Variants in TET2 observed in about 807,000 individuals in gnomAD.
TET2 encodes the protein tet methylcytosine dioxygenase 2, also known as methylcytosine dioxygenase TET2.
A neutral mutation model predicts 142.9 loss-of-function variants in TET2; 299 were observed. That is an observed-to-expected ratio of 2.09 (90% CI 1.90 to 2.30). The LOEUF is 2.30. Among genes scored for constraint, TET2 ranks in the 30% most tolerant of loss-of-function variants. The pLI is 0.00. For missense variants in TET2, 2,418 were observed against 2,378.0 expected (o/e 1.02, Z -0.35); for synonymous variants, 819 against 849.0 (o/e 0.96, Z 0.61).
At chr4:105,268,467 A>G (rs1374667865) in intron 8 of TET2, among the ~76,000 whole-genome samples, 2 of 152,190 alleles carry the variant, frequency 1.3e-5, no homozygotes, top group African/African-American at 4.8e-5. Flanking sequence ...GTTCTCCCCA[A>G]ACTAATCAAT....
At chr4:105,250,380 A>ATTTT (rs59695275) in intron 6 of TET2, among the ~76,000 whole-genome samples, 1,282 of 60,276 alleles carry the variant, frequency 0.021, 156 homozygotes, top group Non-Finnish European at 0.028. Flanking sequence ...TCCTTTCTGG[A>ATTTT]TTTTTTTTTT....
Position 105,243,728 on chromosome 4 carries a change from G to A in TET2, c.3753G>A (p.Thr1251=), listed in dbSNP as rs568289483. ...AACTCTACTCGGAGCTTACCGAGAC[G>A]CTGAGGAAATACGGCACGCTCACCA... is the stretch of plus-strand genomic sequence containing the variant. ...ADKLYSELTE[T]LRKYGTLTNR... Residue 1251 remains threonine, a synonymous_variant, in exon 6 of 11, where the codon ACG becomes ACA. Coordinates refer to ENST00000380013, the MANE Select transcript of TET2 (RefSeq NM_001127208.3). 6.4e-6 allele frequency: 10 copies of A among 1,551,570 alleles called. No individual in the cohort carries two copies. Among genetic ancestry groups the A allele is most frequent in the South Asian group, 5.9e-5 (5 of 84,040 alleles).
At chr4:105,209,049 GTATATATATATATATATATA>G (rs36045001) in intron 2 of TET2, among the ~76,000 whole-genome samples, 3,637 of 44,342 alleles carry the variant, frequency 0.082, 288 homozygotes, top group African/African-American at 0.13. Flanking sequence ...TCAAGGCATG[GTATATATATATATATATATA>G]TATATATATA....
At chr4:105,263,509 A>G (rs755177674) in intron 8 of TET2, among the ~76,000 whole-genome samples, 2 of 152,220 alleles carry the variant, frequency 1.3e-5, no homozygotes, top group Non-Finnish European at 2.9e-5. Context: ...AGATACAACA[A>G]ATTTCCAGTT....
chr4:105,192,310 T>A (rs1297379075), intron 2 of TET2, among the ~76,000 whole-genome samples: 1 of 152,170 alleles, frequency 6.6e-6, no homozygotes, highest in African/African-American at 2.4e-5. Flanking sequence ...AAAATCTTGT[T>A]TTGCATTTAA....
At chr4:105,227,341 T>A (rs1728249307) in intron 2 of TET2, among the ~76,000 whole-genome samples, 1 of 152,194 alleles carries the variant, frequency 6.6e-6, no homozygotes, top group Non-Finnish European at 1.5e-5. Flanking sequence ...TTAATTTTGA[T>A]TGGCCAGCAT....
At chr4:105,197,060 A>T (rs768897052) in intron 2 of TET2, among the ~76,000 whole-genome samples, 4 of 152,226 alleles carry the variant, frequency 2.6e-5, no homozygotes, top group African/African-American at 9.6e-5. Context: ...GTTACATTAT[A>T]TCGGAGCTTG....
At position 105,222,630 on chromosome 4, in the gene TET2, A is replaced by AGT. The variant is rs576200635; in HGVS notation, c.-46-11266_-46-11265dup. Reference sequence around the variant, plus strand: ...CTGGATATTAGCCCTTTGTCAGATGAGTAGGTTGCGAAAATTTTCTGCCAT... The same window carrying AGT: ...CTGGATATTAGCCCTTTGTCAGATGAGTGTAGGTTGCGAAAATTTTCTGCCAT... On this transcript the variant is annotated intron_variant, in intron 2 of 10. Transcript: ENST00000380013. Among the ~76,000 whole-genome samples the AGT allele has an allele frequency of 3.2e-4, 48 of 152,146 alleles. No individual in the cohort carries two copies. In the South Asian group the frequency reaches 9.8e-3, roughly 31 times the overall value.
At position 105,279,020 on chromosome 4, in the gene TET2, G is replaced by A. The variant is rs1731342651; in HGVS notation, c.*2501G>A. 4.3e-6 allele frequency: 1 copy of A among 232,688 alleles called. No individual in the cohort carries two copies. 14.4% of individuals were successfully genotyped at this position (232,688 alleles called of 1,614,324 possible). A position where few individuals can be genotyped will look rare whatever the true frequency, so the allele number is the denominator to read the frequency against. ...TCAGAGGAGGCCTTTGGGTTTTATT[G>A]GTCAAATCTTTGTAAGCTGGCTTTT... is the stretch of plus-strand genomic sequence containing the variant. On this transcript the variant is annotated 3_prime_UTR_variant, in exon 11 of 11. Transcript: ENST00000380013.
rs1553914882 is a variant in TET2 at position 105,239,082 on chromosome 4, T to TTTTTTTTTTG, written c.3409+1735_3409+1736insTTTTTGTTTT. 3.5e-3 allele frequency: 238 copies of TTTTTTTTTTG among 68,758 alleles called. 2 individuals are homozygous for TTTTTTTTTTG. Among genetic ancestry groups the TTTTTTTTTTG allele is most frequent in the Non-Finnish European group, 4.8e-3 (164 of 34,210 alleles). The allele number at this position is 68,758 out of a possible 1,614,324, so 4.3% of individuals were successfully genotyped here. ...TTTTGGTTTTGTTTTTTGTTTTTTT[T>TTTTTTTTTTG]TTTTGTTTTTTAGCAGTAAGTCTCA... is the stretch of plus-strand genomic sequence containing the variant. On this transcript the variant is annotated intron_variant, in intron 3 of 10. Coordinates refer to ENST00000380013, the MANE Select transcript of TET2 (RefSeq NM_001127208.3).
At chr4:105,245,564 G>A (rs1226055763) in intron 6 of TET2, among the ~76,000 whole-genome samples, 6 of 151,980 alleles carry the variant, frequency 3.9e-5, no homozygotes, top group South Asian at 4.1e-4. Flanking sequence ...TCCTGACCTC[G>A]GGTGATCCGC....
At chr4:105,152,598 CTTTT>C (rs869064512) in intron 1 of TET2, among the ~76,000 whole-genome samples, 19 of 23,552 alleles carry the variant, frequency 8.1e-4, no homozygotes, top group Admixed American at 3.8e-3. Flanking sequence ...TTCTTTCTTT[CTTTT>C]TTTTTTTTTT....
intron 1 of TET2, among the ~76,000 whole-genome samples, chr4:105,186,616 C>T (rs1035966632): frequency 2.0e-5 from 3 of 151,784 alleles, no homozygotes; most frequent in Admixed American, 1.3e-4. Context: ...GGACTACAGG[C>T]TTGCACCACC....
chr4:105,237,384 G>C (rs185009865), intron 3 of TET2, 33 bp downstream of exon 3: 4 of 1,613,914 alleles, frequency 2.5e-6, no homozygotes, highest in Non-Finnish European at 3.4e-6. Context: ...GACACATGGC[G>C]TTTATCCAGA....
At chr4:105,266,052 A>G (rs187139322) in intron 8 of TET2, among the ~76,000 whole-genome samples, 6 of 152,308 alleles carry the variant, frequency 3.9e-5, no homozygotes, top group Admixed American at 3.9e-4. Flanking sequence ...GTTCTGATCC[A>G]GTCTTCAGCT....
chr4:105,199,389 C>A (rs1009672239), intron 2 of TET2, among the ~76,000 whole-genome samples: 2 of 152,116 alleles, frequency 1.3e-5, no homozygotes, highest in African/African-American at 4.8e-5. Context: ...ATGAATGAAT[C>A]TCTACTATCC....
At chr4:105,185,734 G>A (rs1240068691) in intron 1 of TET2, among the ~76,000 whole-genome samples, 4 of 152,044 alleles carry the variant, frequency 2.6e-5, no homozygotes, top group South Asian at 2.1e-4. Flanking sequence ...AGCCAAGATC[G>A]CACCACTGCA....
intron 4 of TET2, chr4:105,242,555 T>C: frequency 8.5e-7 from 1 of 1,176,128 alleles, no homozygotes; most frequent in Non-Finnish European, 1.1e-6. Flanking sequence ...TTGTGCTTTG[T>C]GAAATTTTAT....
intron 2 of TET2, among the ~76,000 whole-genome samples, chr4:105,231,720 C>G (rs7658539): frequency 6.6e-6 from 1 of 151,926 alleles, no homozygotes; most frequent in Admixed American, 6.6e-5. Context: ...AGAAAATAGT[C>G]TTTCTTTTTC....
Sources: gnomAD v4.1 joint callset for allele counts (sites outside exome capture counted in the v4.1 genomes callset) on GRCh38, gnomAD v4.1.1 for gene constraint, MANE v1.5 for transcripts, NCBI Gene and HGNC (gene_info 2026-07-23, HGNC 2026-07-21) for gene names.